STAC2: variants seen among roughly 807,000 people sequenced by gnomAD.
The protein encoded by STAC2 is SH3 and cysteine-rich domain-containing protein 2.
A neutral mutation model predicts 49.0 loss-of-function variants in STAC2; 36 were observed. The ratio of observed to expected loss-of-function variants is 0.74; its 90% CI spans 0.56 to 0.97. The LOEUF (loss-of-function observed/expected upper bound fraction) is 0.97. Among genes scored for constraint, STAC2 ranks in the 50% least tolerant of loss-of-function variants. The pLI, the probability that STAC2 is intolerant of heterozygous loss-of-function variation, is 0.00. For synonymous variants in STAC2, 239 were observed against 214.7 expected (o/e 1.11, Z -0.99); for missense variants, 527 against 543.8 (o/e 0.97, Z 0.31).
intron 8 of STAC2, 95 bp from the exon 9 acceptor site, chr17:39,213,653 T>C: frequency 5.8e-6 from 5 of 855,346 alleles, no homozygotes; most frequent in South Asian, 1.5e-5. Context: ...ACTGCAGTCC[T>C]CAGCTGGGAG....
At chr17:39,214,440 C>T (rs2046383072) in intron 7 of STAC2, 110 bp from the exon 8 acceptor site, 2 of 1,538,298 alleles carry the variant, frequency 1.3e-6, no homozygotes, top group East Asian at 2.3e-5. Context: ...CACAGTGAGT[C>T]CTAGGTCAAC....
At chr17:39,214,484 G>GC in intron 7 of STAC2, 154 bp from the exon 8 acceptor site, 1 of 980,516 alleles carries the variant, frequency 1.0e-6, no homozygotes, top group Non-Finnish European at 1.2e-6. Context: ...TACATGCTAT[G>GC]CTCACCCACC....
chr17:39,214,322 T>C lies in STAC2; in HGVS notation c.852A>G (p.Lys284=). 2 of 1,613,878 alleles carry C rather than the reference T, an allele frequency of 1.2e-6. No homozygotes were observed. Among genetic ancestry groups the C allele is most frequent in the Non-Finnish European group, 1.7e-6 (2 of 1,179,864 alleles). Residue 284 remains lysine, a synonymous_variant, in exon 8 of 11, where the codon AAA becomes AAG. Coordinates refer to ENST00000333461, the MANE Select transcript of STAC2 (RefSeq NM_198993.5). ...GCCCCACATCCTTCCGCAGGGTGGC[T>C]TTGGGGAGCTGCGGGAGAATCTCTG... is the stretch of plus-strand genomic sequence containing the variant. ...EEKSPGQQLP[K]ATLRKDVGPM...
At position 39,212,314 on chromosome 17, in the gene STAC2, A is replaced by G. The variant is rs2046361626; in HGVS notation, c.1214T>C (p.Val405Ala). ...CTCTCAGATCTCAGTCAGGGCGTCG[A>G]CTGGCACCAGGCCCCGCTTCTTGCC... is the stretch of plus-strand genomic sequence containing the variant. ...SSGKKRGLVP[V>A]DALTEI The change falls in exon 11 of 11, where the codon GTC becomes GCC. Residue 405 changes from valine to alanine, a missense_variant. Transcript: ENST00000333461. 1 of 1,611,462 alleles carries G rather than the reference A, an allele frequency of 6.2e-7. No individual in the cohort carries two copies.
intron 1 of STAC2, 145 bp from the exon 2 acceptor site, chr17:39,218,318 A>C (rs1270954934): frequency 5.0e-6 from 4 of 794,088 alleles, no homozygotes; most frequent in Non-Finnish European, 8.1e-6. Context: ...GAAATGAAAC[A>C]GCAACAGAGA....
At chr17:39,215,276 G>T in intron 4 of STAC2, 46 bp from the exon 5 acceptor site, 2 of 1,595,150 alleles carry the variant, frequency 1.3e-6, no homozygotes, top group South Asian at 1.1e-5. Flanking sequence ...TCAAAGCCCT[G>T]CATCTCTAGT....
At chr17:39,219,628 A>G (rs1425056949) in intron 1 of STAC2, among the ~76,000 whole-genome samples, 1 of 152,204 alleles carries the variant, frequency 6.6e-6, no homozygotes, top group African/African-American at 2.4e-5. Flanking sequence ...TGAATACATG[A>G]GCCAGCGGCT....
chr17:39,215,299 T>G (rs2046392701), intron 4 of STAC2, 69 bp from the exon 5 acceptor site: 2 of 1,533,952 alleles, frequency 1.3e-6, no homozygotes, highest in African/African-American at 1.4e-5. Flanking sequence ...CGGCTCAGCA[T>G]GCCCCAGGCT....
Position 39,225,854 on chromosome 17 carries a change from C to T in STAC2, c.-352G>A, listed in dbSNP as rs2046509633. 1 of 253,176 alleles carries T rather than the reference C, an allele frequency of 3.9e-6. No individual in the cohort carries two copies. The highest frequency in any genetic ancestry group is 5.9e-5 in the Admixed American group (1 of 16,932). The allele number at this position is 253,176 out of a possible 1,614,324, so 15.7% of individuals were successfully genotyped here. ...TCCGTGTCCAGCCGGCTCCGCCGTCCGCTGCGCCCGCCCCCCATCCCCTCC... is the reference window on the plus strand; with the variant it reads ...TCCGTGTCCAGCCGGCTCCGCCGTCTGCTGCGCCCGCCCCCCATCCCCTCC... On this transcript the variant is annotated 5_prime_UTR_variant, in exon 1 of 11. Coordinates refer to ENST00000333461, the MANE Select transcript of STAC2 (RefSeq NM_198993.5). The surrounding 1 kb of genome is among the most constrained non-coding windows in gnomAD (Gnocchi z 8.2).
At chr17:39,215,767 G>C (rs958312081) in intron 4 of STAC2, among the ~76,000 whole-genome samples, 1 of 151,994 alleles carries the variant, frequency 6.6e-6, no homozygotes, top group Admixed American at 6.6e-5. Context: ...ACAATGGCAC[G>C]ATCCTGGCTT....
Position 39,211,682 on chromosome 17 carries a change from A to G in STAC2, c.*610T>C, listed in dbSNP as rs2046355431. The G allele has an allele frequency of 6.5e-6, 1 of 152,846 alleles. No homozygotes were observed. The highest frequency in any genetic ancestry group is 2.1e-4 in the South Asian group (1 of 4,836). 9.5% of individuals were successfully genotyped at this position (152,846 alleles called of 1,614,324 possible). On this transcript the variant is annotated 3_prime_UTR_variant, in exon 11 of 11. Transcript: ENST00000333461. ...TCATCTGTCCGCCCAGGTTTCAAGT[A>G]ACGGGAGAGATTCCTGCAAAACTTT...
chr17:39,213,422 G>A, intron 9 of STAC2, 85 bp downstream of exon 9: 1 of 1,530,236 alleles, frequency 6.5e-7, no homozygotes, highest in Non-Finnish European at 9.0e-7. Flanking sequence ...GGGGCCTGGA[G>A]AGAAGGTGGG....
chr17:39,219,261 G>A (rs1186383297), intron 1 of STAC2, among the ~76,000 whole-genome samples: 1 of 152,080 alleles, frequency 6.6e-6, no homozygotes, highest in Non-Finnish European at 1.5e-5. Context: ...ATTGAGAATT[G>A]AGAATCCTCA....
At chr17:39,218,949 C>T (rs1465313686) in intron 1 of STAC2, among the ~76,000 whole-genome samples, 1 of 151,988 alleles carries the variant, frequency 6.6e-6, no homozygotes, top group Non-Finnish European at 1.5e-5. Flanking sequence ...ACTGATTCTC[C>T]CCGACAGAAA....
rs2046368643 is a variant in STAC2, at chr17:39,213,055, G to A, written c.1071C>T (p.Arg357=). The A allele has an allele frequency of 6.2e-7, 1 of 1,613,904 alleles. No individual in the cohort carries two copies. The highest frequency in any genetic ancestry group is 1.3e-5 in the African/African-American group (1 of 75,060). Residue 357 remains arginine, a synonymous_variant, in exon 10 of 11, where the codon CGC becomes CGT. Coordinates refer to ENST00000333461, the MANE Select transcript of STAC2 (RefSeq NM_198993.5). ...TGTTCCCGGAGAAGGGTTGGCAGCAGCGCCAAACATTCTCGCCTGGCCTCA... is the reference window on the plus strand; with the variant it reads ...TGTTCCCGGAGAAGGGTTGGCAGCAACGCCAAACATTCTCGCCTGGCCTCA... ...QRVRPGENVW[R]CCQPFSGNKE...
At chr17:39,217,242 G>A in intron 2 of STAC2, 69 bp from the exon 3 acceptor site, 2 of 1,490,082 alleles carry the variant, frequency 1.3e-6, no homozygotes, top group Non-Finnish European at 1.9e-6. Context: ...GGGCACATTA[G>A]GGGATGAGGA....
chr17:39,212,134 C>T lies in STAC2; in HGVS notation c.*158G>A, dbSNP rs1435538249. On this transcript the variant is annotated 3_prime_UTR_variant, in exon 11 of 11. Coordinates refer to ENST00000333461, the MANE Select transcript of STAC2 (RefSeq NM_198993.5). ...CACCCCACCCAAGAAATAAAATCTT[C>T]CCCAGTACAAAAGGCTCCTAAGCCA... The T allele has an allele frequency of 3.6e-6, 1 of 279,248 alleles. No homozygotes were observed. Among genetic ancestry groups the T allele is most frequent in the South Asian group, 3.4e-5 (1 of 29,008 alleles). The allele number at this position is 279,248 out of a possible 1,614,324, so 17.3% of individuals were successfully genotyped here. A position where few individuals can be genotyped will look rare whatever the true frequency, so the allele number is the denominator to read the frequency against.
intron 2 of STAC2, 125 bp downstream of exon 2, chr17:39,217,742 G>A (rs989948164): frequency 1.6e-4 from 156 of 957,180 alleles, no homozygotes; most frequent in Non-Finnish European, 2.2e-4. Context: ...AAGAGGCACA[G>A]AGGCACAATT....
chr17:39,219,268 C>G (rs373236802), intron 1 of STAC2, among the ~76,000 whole-genome samples: 3 of 152,122 alleles, frequency 2.0e-5, no homozygotes, highest in African/African-American at 7.2e-5. Flanking sequence ...ATTGAGAATC[C>G]TCAATTCTCA....
Sources: gnomAD v4.1 joint callset for allele counts (sites outside exome capture counted in the v4.1 genomes callset) on GRCh38, gnomAD v4.1.1 for gene constraint, Gnocchi (gnomAD v3.1) non-coding constraint, MANE v1.5 for transcripts, NCBI Gene and HGNC (gene_info 2026-07-23, HGNC 2026-07-21) for gene names.